Variants in MUC17 observed in about 807,000 individuals in gnomAD.
MUC17 encodes the protein mucin-17.
MUC17 carries 190 observed loss-of-function variants against 170.3 expected under a neutral mutation model. That is an observed-to-expected ratio of 1.12 (90% CI 0.99 to 1.26). The LOEUF is 1.26. Among genes scored for constraint, MUC17 ranks in the 50% most tolerant of loss-of-function variants. The pLI is 0.00. For synonymous variants in MUC17, 2,325 were observed against 2,002.5 expected, an observed-to-expected ratio of 1.16 and a Z score of -4.30; for missense variants, 6,415 against 5,530.0, an observed-to-expected ratio of 1.16 and a Z score of -5.08.
chr7:101,023,954 G>T (rs1323593803), intron 1 of MUC17, among the ~76,000 whole-genome samples: 1 of 151,408 alleles, frequency 6.6e-6, no homozygotes, highest in Non-Finnish European at 1.5e-5. Flanking sequence ...ATATCTCATT[G>T]TGGTTTCAAT....
intron 1 of MUC17, among the ~76,000 whole-genome samples, chr7:101,029,000 C>T (rs767524000): frequency 2.2e-4 from 33 of 151,976 alleles, no homozygotes; most frequent in Non-Finnish European, 3.4e-4. Flanking sequence ...CCAGCCTGAC[C>T]AACGTGGAGA....
rs376595929 is a variant in MUC17, at chr7:101,038,756, C to G, written c.7340C>G (p.Pro2447Arg). The G allele has an allele frequency of 1.2e-6, 2 of 1,612,866 alleles. No individual in the cohort carries two copies. The highest frequency in any genetic ancestry group is 2.7e-5 in the African/African-American group (2 of 74,798). Reference protein sequence around the residue: ...SPTTAEGTSIPTSPPSEGTTP... With the variant: ...SPTTAEGTSIRTSPPSEGTTP... ...ACAACTGCTGAAGGTACCAGCATAC[C>G]AACCTCACCTCCTAGTGAAGGAACC... is the stretch of plus-strand genomic sequence containing the variant. Residue 2447 changes from proline (P) to arginine (R), a missense_variant, in exon 3 of 13, where the codon CCA (proline) becomes CGA (arginine). By Grantham distance (103) the Pro-to-Arg change is moderately radical. Coordinates refer to ENST00000306151, the MANE Select transcript of MUC17 (RefSeq NM_001040105.2).
At position 101,032,616 on chromosome 7, in the gene MUC17, C is replaced by A. The variant is rs1297590862; in HGVS notation, c.1200C>A (p.Val400=). Residue 400 remains valine (V), a synonymous_variant, in exon 3 of 13, where the codon GTC becomes GTA. Coordinates refer to ENST00000306151, the MANE Select transcript of MUC17 (RefSeq NM_001040105.2). Reference sequence around the variant, plus strand: ...GCACTCCATTAACAAATATGCCTGTCAGCACCATATTGGTGGCCAGTTCTG... The same window carrying A: ...GCACTCCATTAACAAATATGCCTGTAAGCACCATATTGGTGGCCAGTTCTG... ...EGSTPLTNMP[V]STILVASSEA... 6.2e-7 allele frequency: 1 copy of A among 1,613,864 alleles called. No individual in the cohort carries two copies. The highest frequency in any genetic ancestry group is 2.2e-5 in the East Asian group (1 of 44,878).
In MUC17 at chr7:101,039,987, C is replaced by A. The variant is rs535176046; in HGVS notation, c.8571C>A (p.Ile2857=). 1 of 1,613,318 alleles carries A rather than the reference C, an allele frequency of 6.2e-7. No homozygotes were observed. The highest frequency in any genetic ancestry group is 1.3e-5 in the African/African-American group (1 of 74,886). Residue 2857 remains isoleucine, a synonymous_variant, in exon 3 of 13, where the codon ATC becomes ATA. Coordinates refer to ENST00000306151, the MANE Select transcript of MUC17 (RefSeq NM_001040105.2). ...CATCTCCTACAACTGCTGAAGGTAT[C>A]GTCGTGCCAATCTCAACTGCTAGTG... ...ASSSPTTAEG[I]VVPISTASEG...
intron 3 of MUC17, among the ~76,000 whole-genome samples, chr7:101,045,616 C>T (rs1395957486): frequency 2.0e-5 from 3 of 152,192 alleles, no homozygotes; most frequent in African/African-American, 7.2e-5. Flanking sequence ...TGTTCTTGAA[C>T]TCCTGTCCTC....
intron 1 of MUC17, among the ~76,000 whole-genome samples, chr7:101,028,960 A>G (rs1376511318): frequency 6.6e-6 from 1 of 151,988 alleles, no homozygotes; most frequent in East Asian, 1.9e-4. Context: ...GGCCGAAGCC[A>G]GCAGATCACC....
Position 101,038,396 on chromosome 7 carries a change from G to T in MUC17, c.6980G>T (p.Ser2327Ile). The part of the protein sequence containing the change: ...SSPPPTAEGT[S>I]MPTSTSSEGN... ...CCTCCTCCCACTGCTGAAGGTACCA[G>T]CATGCCAACCTCAACTTCTAGTGAA... The change falls in exon 3 of 13, where the codon AGC becomes ATC. Residue 2327 changes from serine to isoleucine, a missense_variant. By Grantham distance (142) the Ser-to-Ile change is moderately radical. Transcript: ENST00000306151. The T allele has an allele frequency of 1.2e-6, 2 of 1,613,950 alleles. No homozygotes were observed. Among genetic ancestry groups the T allele is most frequent in the African/African-American group, 2.7e-5 (2 of 74,976 alleles).
At position 101,032,197 on chromosome 7, in the gene MUC17, GA is replaced by G. The variant is rs762248265; in HGVS notation, c.783del (p.Gly262ValfsTer16). ...AQASSSPTTAEGPSLSNSAPS... is the reference protein window; with the variant it reads ...AQASSSPTTAXGPSLSNSAPS... Reference sequence around the variant, plus strand: ...AGCCAGTTCATCTCCTACAACTGCTGAAGGTCCCAGCCTGTCAAACTCAGCT... The same window carrying G: ...AGCCAGTTCATCTCCTACAACTGCTGAGGTCCCAGCCTGTCAAACTCAGCT... On this transcript the variant is annotated frameshift_variant, in exon 3 of 13. Transcript: ENST00000306151. LOFTEE classifies it high-confidence loss of function. The G allele has an allele frequency of 3.7e-6, 6 of 1,614,224 alleles. No homozygotes were observed. The highest frequency in any genetic ancestry group is 5.1e-6 in the Non-Finnish European group (6 of 1,180,032).
chr7:101,031,043 A>G lies in MUC17; in HGVS notation c.83-77A>G, dbSNP rs932285435. On this transcript the variant is annotated intron_variant, in intron 1 of 12. Coordinates refer to ENST00000306151, the MANE Select transcript of MUC17 (RefSeq NM_001040105.2). ...GGGCCAGGGACTTTCCAGGGCAGGG[A>G]GTAGAGACTCAGAGTCTTCAAGAGA... The G allele has an allele frequency of 2.4e-5, 35 of 1,488,218 alleles. No individual in the cohort carries two copies. The African/African-American group carries it at 3.7e-4, about 16-fold the overall frequency. 92.2% of individuals were successfully genotyped at this position (1,488,218 alleles called of 1,614,324 possible). A position where few individuals can be genotyped will look rare whatever the true frequency, so the allele number is the denominator to read the frequency against.
intron 1 of MUC17, among the ~76,000 whole-genome samples, chr7:101,030,059 C>G (rs565041068): frequency 1.8e-4 from 28 of 152,240 alleles, no homozygotes; most frequent in Non-Finnish European, 2.9e-4. Flanking sequence ...ATTTTTAAAA[C>G]TTTCCCACAC....
Position 101,032,291 on chromosome 7 carries a change from C to T in MUC17, c.875C>T (p.Ala292Val), listed in dbSNP as rs143051032. The T allele has an allele frequency of 2.4e-4, 382 of 1,613,832 alleles. No individual in the cohort carries two copies. In the African/African-American group the frequency reaches 4.8e-3, roughly 20 times the overall value. Residue 292 changes from alanine (A) to valine (V), a missense_variant, in exon 3 of 13, where the codon GCT (alanine) becomes GTT (valine). Transcript: ENST00000306151. ...LSVMLVVSSEASTLSTTPAAT... is the reference protein window; with the variant it reads ...LSVMLVVSSEVSTLSTTPAAT... Reference sequence around the variant, plus strand: ...GTGATGCTGGTGGTCAGTTCTGAGGCTAGCACCCTTTCAACAACTCCTGCT... The same window carrying T: ...GTGATGCTGGTGGTCAGTTCTGAGGTTAGCACCCTTTCAACAACTCCTGCT...
rs1794768995 is a variant in MUC17 at position 101,043,289 on chromosome 7, C to T, written c.11873C>T (p.Thr3958Ile). The change falls in exon 3 of 13, where the codon ACT (threonine) becomes ATT (isoleucine). Residue 3958 changes from threonine to isoleucine, a missense_variant. Transcript: ENST00000306151. ...SSTADVFPAT[T>I]GAVSTPVITS... ...ACTGCTGATGTCTTTCCTGCAACAACTGGTGCTGTATCTACCCCTGTGATA... is the reference window on the plus strand; with the variant it reads ...ACTGCTGATGTCTTTCCTGCAACAATTGGTGCTGTATCTACCCCTGTGATA... 12 of 1,614,192 alleles carry T rather than the reference C, an allele frequency of 7.4e-6. No individual in the cohort carries two copies. Among genetic ancestry groups the T allele is most frequent in the Non-Finnish European group, 1.0e-5 (12 of 1,180,046 alleles).
intron 2 of MUC17, 108 bp downstream of exon 2, chr7:101,031,329 G>A: frequency 1.4e-6 from 2 of 1,476,084 alleles, no homozygotes; most frequent in Non-Finnish European, 9.0e-7. Flanking sequence ...AGTGTGTGAC[G>A]GCTTGAGATC....
chr7:101,043,895 G>A (rs1369752957), intron 3 of MUC17, 76 bp downstream of exon 3: 14 of 1,363,364 alleles, frequency 1.0e-5, no homozygotes, highest in Non-Finnish European at 1.4e-5. Context: ...CAACGTGCAG[G>A]TTTGTTACCT....
rs147179553 is a variant in MUC17, at chr7:101,035,414, G to C, written c.3998G>C (p.Ser1333Thr). The change falls in exon 3 of 13, where the codon AGT becomes ACT. Residue 1333 changes from serine (S) to threonine (T), a missense_variant. Physicochemically the swap from Ser to Thr is moderately conservative, Grantham distance 58. Coordinates refer to ENST00000306151, the MANE Select transcript of MUC17 (RefSeq NM_001040105.2). Reference sequence around the variant, plus strand: ...ACCAGCATGCCAACCTCAACTTATAGTGAAGGAAGAACTCCTTTAACAAGT... The same window carrying C: ...ACCAGCATGCCAACCTCAACTTATACTGAAGGAAGAACTCCTTTAACAAGT... ...EGTSMPTSTYSEGRTPLTSIP... is the reference protein window; with the variant it reads ...EGTSMPTSTYTEGRTPLTSIP... The C allele has an allele frequency of 7.6e-4, 1,227 of 1,606,838 alleles. 1 individual carries two copies. The African/African-American group carries it at 0.015, about 19-fold the overall frequency.
At chr7:101,052,843 C>A in intron 9 of MUC17, 143 bp from the exon 10 acceptor site, 2 of 871,586 alleles carry the variant, frequency 2.3e-6, no homozygotes. Flanking sequence ...CTCTGTTCAT[C>A]CCCTCGGGGT....
In MUC17 at chr7:101,051,691, AAC is replaced by A; in HGVS notation, c.12943+14_12943+15del. 6.2e-7 allele frequency: 1 copy of A among 1,611,344 alleles called. No individual in the cohort carries two copies. The highest frequency in any genetic ancestry group is 1.1e-5 in the South Asian group (1 of 90,812). On this transcript the variant is annotated intron_variant, in intron 8 of 12. Transcript: ENST00000306151. ...CAGTACGACCCTGAAGGTAGGTGATAACACAAGGGGTTTGGGGGAAGGCTGGA... is the reference window on the plus strand; with the variant it reads ...CAGTACGACCCTGAAGGTAGGTGATAACAAGGGGTTTGGGGGAAGGCTGGA...
At chr7:101,026,320 G>A (rs1399805415) in intron 1 of MUC17, among the ~76,000 whole-genome samples, 2 of 152,208 alleles carry the variant, frequency 1.3e-5, no homozygotes, top group Non-Finnish European at 2.9e-5. Flanking sequence ...CTGGGCCTAT[G>A]GCCTGGCTTT....
At position 101,034,579 on chromosome 7, in the gene MUC17, G is replaced by A; in HGVS notation, c.3163G>A (p.Ala1055Thr). Residue 1055 changes from alanine (A) to threonine (T), a missense_variant, in exon 3 of 13, where the codon GCC (alanine) becomes ACC (threonine). Coordinates refer to ENST00000306151, the MANE Select transcript of MUC17 (RefSeq NM_001040105.2). ...TATGCCTGTCAGCACCACAATGGTG[G>A]CCAGTTCTGAAACGAGCACACTTTC... ...TRMPVSTTMV[A>T]SSETSTLSTT... 6.2e-7 allele frequency: 1 copy of A among 1,607,438 alleles called. No individual in the cohort carries two copies. The highest frequency in any genetic ancestry group is 8.5e-7 in the Non-Finnish European group (1 of 1,175,032).
Sources: allele counts gnomAD v4.1 joint callset (sites outside exome capture counted in the v4.1 genomes callset), GRCh38; gene constraint gnomAD v4.1.1; transcripts MANE v1.5; gene names NCBI Gene and HGNC (gene_info 2026-07-23, HGNC 2026-07-21).